Variants in GPR149 observed in about 807,000 individuals in gnomAD.
GPR149 encodes G protein-coupled receptor 149.
Under a neutral mutation model 50.2 loss-of-function variants are expected in GPR149, and 50 were observed. The ratio of observed to expected loss-of-function variants is 1.00; its 90% CI spans 0.79 to 1.26. The LOEUF (loss-of-function observed/expected upper bound fraction) is 1.26, where lower values mean the gene tolerates loss of function less well. Ranked by LOEUF, GPR149 falls within the 50% of genes most tolerant of loss-of-function variation. The pLI is 0.00. For missense variants in GPR149, 983 were observed against 895.4 expected, an observed-to-expected ratio of 1.10 and a Z score of -1.25; for synonymous variants, 405 against 358.2, an observed-to-expected ratio of 1.13 and a Z score of -1.48.
At chr3:154,388,727 G>C (rs1715100914) in intron 3 of GPR149, among the ~76,000 whole-genome samples, 1 of 152,014 alleles carries the variant, frequency 6.6e-6, no homozygotes, top group East Asian at 1.9e-4. Flanking sequence ...CTTGACCCCA[G>C]TCTATCTGTA....
intron 3 of GPR149, among the ~76,000 whole-genome samples, chr3:154,414,688 C>T (rs1711938249): frequency 6.6e-6 from 1 of 151,964 alleles, no homozygotes; most frequent in Non-Finnish European, 1.5e-5. Context: ...AGATGATGCA[C>T]TAGAAAAGAC....
At position 154,374,277 on chromosome 3, in the gene GPR149, C is replaced by T. The variant is rs543941186; in HGVS notation, c.1624-36006G>A. 1.7e-3 allele frequency among the ~76,000 whole-genome samples: 254 copies of T among 148,588 alleles called. 1 individual carries two copies. Among genetic ancestry groups the T allele is most frequent in the Non-Finnish European group, 2.9e-3 (194 of 67,462 alleles). The stretch of plus-strand genomic sequence containing the variant: ...GCAACTTCTGCCTCCTGGGTTCAAG[C>T]GATTCTTGTGCCTGAGCCTTCTGAG... On this transcript the variant is annotated intron_variant, in intron 3 of 3. Transcript: ENST00000389740.
chr3:154,364,223 C>A (rs13315200), intron 3 of GPR149, among the ~76,000 whole-genome samples: 35,934 of 152,102 alleles, frequency 0.24, 4,550 homozygotes, highest in South Asian at 0.32. Context: ...CAGGTCTAAT[C>A]ACCTTTCAAA....
At chr3:154,359,980 G>A (rs1181486793) in intron 3 of GPR149, among the ~76,000 whole-genome samples, 1 of 150,368 alleles carries the variant, frequency 6.7e-6, no homozygotes, top group African/African-American at 2.5e-5. Flanking sequence ...GATTCACCAG[G>A]AGCAACCAAA....
chr3:154,374,001 AC>A (rs1275590789), intron 3 of GPR149, among the ~76,000 whole-genome samples: 1 of 152,146 alleles, frequency 6.6e-6, no homozygotes, highest in Non-Finnish European at 1.5e-5. Context: ...AAACAAACAA[AC>A]AAAACAACAA....
chr3:154,339,354 G>GA (rs1381290537), intron 3 of GPR149, among the ~76,000 whole-genome samples: 1 of 151,860 alleles, frequency 6.6e-6, no homozygotes, highest in Admixed American at 6.5e-5. Context: ...TTGTAGTCCA[G>GA]AAAAAAAGGG....
At chr3:154,410,768 G>A (rs1448333731) in intron 3 of GPR149, among the ~76,000 whole-genome samples, 5 of 152,140 alleles carry the variant, frequency 3.3e-5, no homozygotes, top group Non-Finnish European at 5.9e-5. Flanking sequence ...TCCACGGACA[G>A]CACTAGACAG....
chr3:154,428,874 C>A lies in GPR149; in HGVS notation c.742G>T (p.Val248Leu). 6.2e-7 allele frequency: 1 copy of A among 1,613,988 alleles called. No homozygotes were observed. The highest frequency in any genetic ancestry group is 1.3e-5 in the African/African-American group (1 of 75,044). ...GCATCCTCTGGGGACAGGGAAACCA[C>A]TCTCCCCGCAGTAGGAGGGGTCCCA... ...IPGTPPTAGR[V>L]VSLSPEDAPG... The change falls in exon 1 of 4, where the codon GTG (valine) becomes TTG (leucine). Residue 248 changes from valine to leucine, a missense_variant. Val to Leu is a conservative substitution (Grantham distance 32, BLOSUM62 1). Transcript: ENST00000389740.
At chr3:154,377,348 A>AATAATTATT (rs371611941) in intron 3 of GPR149, among the ~76,000 whole-genome samples, 2 of 139,252 alleles carry the variant, frequency 1.4e-5, no homozygotes, top group African/African-American at 2.7e-5. Flanking sequence ...TCTGCTCTGT[A>AATAATTATT]ATTATTATTA....
At chr3:154,417,108 T>C (rs16824027) in intron 3 of GPR149, among the ~76,000 whole-genome samples, 3,833 of 152,006 alleles carry the variant, frequency 0.025, 164 homozygotes, top group African/African-American at 0.087. Flanking sequence ...AAATGTGGGG[T>C]TCTAGAAAAT....
At chr3:154,426,130 T>C (rs1022533576) in intron 2 of GPR149, among the ~76,000 whole-genome samples, 5 of 152,222 alleles carry the variant, frequency 3.3e-5, no homozygotes, top group African/African-American at 1.2e-4. Context: ...GGTTTATTAT[T>C]AATTTTCTCT....
intron 3 of GPR149, among the ~76,000 whole-genome samples, chr3:154,409,045 A>G (rs901026148): frequency 6.6e-6 from 1 of 152,250 alleles, no homozygotes; most frequent in Non-Finnish European, 1.5e-5. Flanking sequence ...AGATGATCAC[A>G]TCACAGGACT....
chr3:154,417,482 G>A (rs889090695), intron 3 of GPR149, among the ~76,000 whole-genome samples: 31 of 151,878 alleles, frequency 2.0e-4, no homozygotes, highest in African/African-American at 6.5e-4. Context: ...AAAGCATATT[G>A]TAGAAATAAA....
intron 3 of GPR149, among the ~76,000 whole-genome samples, chr3:154,372,896 G>A (rs1714697252): frequency 6.6e-6 from 1 of 152,192 alleles, no homozygotes; most frequent in African/African-American, 2.4e-5. Flanking sequence ...GCAAGTTTGG[G>A]AGGATGGGAT....
intron 3 of GPR149, among the ~76,000 whole-genome samples, chr3:154,379,436 T>A (rs1714867616): frequency 6.6e-6 from 1 of 152,136 alleles, no homozygotes; most frequent in African/African-American, 2.4e-5. Flanking sequence ...AACTCTTATT[T>A]ATTTACTTTG....
chr3:154,379,609 T>G (rs948911358), intron 3 of GPR149, among the ~76,000 whole-genome samples: 6 of 152,150 alleles, frequency 3.9e-5, no homozygotes, highest in Non-Finnish European at 5.9e-5. Context: ...GAGTTAATTT[T>G]TGTGTATAGT....
intron 3 of GPR149, among the ~76,000 whole-genome samples, chr3:154,345,743 C>T (rs1265382385): frequency 6.6e-6 from 1 of 152,156 alleles, no homozygotes; most frequent in Non-Finnish European, 1.5e-5. Context: ...AGAGTTGCAG[C>T]AAAATTTTCT....
chr3:154,400,354 G>C (rs1490654521), intron 3 of GPR149, among the ~76,000 whole-genome samples: 2 of 152,076 alleles, frequency 1.3e-5, no homozygotes, highest in African/African-American at 4.8e-5. Context: ...GCTTACTAAG[G>C]ATCAGAAATT....
chr3:154,368,872 C>T (rs1490945261), intron 3 of GPR149, among the ~76,000 whole-genome samples: 1 of 152,220 alleles, frequency 6.6e-6, no homozygotes, highest in Admixed American at 6.5e-5. Context: ...ATGCAAGCAT[C>T]AGTGGTGCCC....
Sources: gnomAD v4.1 joint callset for allele counts (sites outside exome capture counted in the v4.1 genomes callset) on GRCh38, gnomAD v4.1.1 for gene constraint, MANE v1.5 for transcripts, NCBI Gene and HGNC (gene_info 2026-07-23, HGNC 2026-07-21) for gene names.